UBE3D: variants seen among roughly 807,000 people sequenced by gnomAD.
UBE3D encodes E3 ubiquitin-protein ligase E3D.
A neutral mutation model predicts 49.6 loss-of-function variants in UBE3D; 48 were observed. That is an observed-to-expected ratio of 0.97 (90% CI 0.77 to 1.23). UBE3D has a LOEUF of 1.23. Ranked by LOEUF, UBE3D falls within the 50% of genes most tolerant of loss-of-function variation. The probability of loss-of-function intolerance (pLI) is 0.00; values close to 1 mark genes in which losing one functional copy is unlikely to be tolerated. For synonymous variants in UBE3D, 189 were observed against 174.2 expected, an observed-to-expected ratio of 1.08 and a Z score of -0.67; for missense variants, 452 against 468.4, an observed-to-expected ratio of 0.96 and a Z score of 0.32.
intron 1 of UBE3D, among the ~76,000 whole-genome samples, chr6:83,064,209 GTTTCTTTTTT>G (rs1784353788): frequency 6.6e-6 from 1 of 151,932 alleles, no homozygotes; most frequent in Non-Finnish European, 1.5e-5. Flanking sequence ...GCAAAGTTAG[GTTTCTTTTTT>G]TTTCTTTTTA....
At chr6:83,058,662 C>G (rs1783971376) in intron 1 of UBE3D, among the ~76,000 whole-genome samples, 1 of 152,242 alleles carries the variant, frequency 6.6e-6, no homozygotes, top group Non-Finnish European at 1.5e-5. Flanking sequence ...TAAGTGCAGA[C>G]AGCAGGTCAT....
rs111638821 is a variant in UBE3D at position 82,951,764 on chromosome 6, G to A, written c.1149+5548C>T. 4.7e-3 allele frequency among the ~76,000 whole-genome samples: 712 copies of A among 152,278 alleles called. 3 individuals carry two copies. Among genetic ancestry groups the A allele is most frequent in the Non-Finnish European group, 8.2e-3 (558 of 68,030 alleles). ...TGTGTACCAAGGAATGCCAAAGGCA[G>A]ATCTTGTTCCTACTGTGCCATTCTG... On this transcript the variant is annotated intron_variant, in intron 9 of 9. Coordinates refer to ENST00000369747, the MANE Select transcript of UBE3D (RefSeq NM_198920.3).
At chr6:83,025,029 T>C (rs1430017599) in intron 5 of UBE3D, among the ~76,000 whole-genome samples, 1 of 152,200 alleles carries the variant, frequency 6.6e-6, no homozygotes, top group African/African-American at 2.4e-5. Context: ...AGTAAGATTT[T>C]AGCAGGCTTG....
intron 9 of UBE3D, among the ~76,000 whole-genome samples, chr6:82,952,363 T>G (rs1157993405): frequency 6.6e-6 from 1 of 151,614 alleles, no homozygotes; most frequent in African/African-American, 2.4e-5. Context: ...GAACGGTACC[T>G]GGAAAACAGA....
intron 9 of UBE3D, among the ~76,000 whole-genome samples, chr6:82,907,840 T>C (rs1024165830): frequency 6.6e-6 from 1 of 152,148 alleles, no homozygotes; most frequent in African/African-American, 2.4e-5. Context: ...TTCCTAGATA[T>C]GTACCTGAGA....
At chr6:82,882,837 T>G in the UBE3D span, among the ~76,000 whole-genome samples, 10 of 152,172 alleles carry the variant, frequency 6.6e-5, no homozygotes, top group Non-Finnish European at 1.2e-4. Flanking sequence ...CACCCTAGTT[T>G]CCTTTCAGCA....
chr6:83,065,090 G>A (rs1784410353), intron 1 of UBE3D, among the ~76,000 whole-genome samples: 1 of 152,164 alleles, frequency 6.6e-6, no homozygotes, highest in Non-Finnish European at 1.5e-5. Flanking sequence ...ATAAATGAAC[G>A]AGCTCCAGTA....
intron 2 of UBE3D, among the ~76,000 whole-genome samples, chr6:83,054,933 G>A (rs1036439356): frequency 3.3e-5 from 5 of 152,310 alleles, no homozygotes; most frequent in African/African-American, 1.2e-4. Context: ...ACAGGCGTGA[G>A]CCACCGTGCC....
At chr6:83,025,290 T>C (rs1348537790) in intron 5 of UBE3D, among the ~76,000 whole-genome samples, 1 of 152,168 alleles carries the variant, frequency 6.6e-6, no homozygotes, top group Non-Finnish European at 1.5e-5. Context: ...CAATTCTCAC[T>C]AAATCTGGTT....
intron 9 of UBE3D, among the ~76,000 whole-genome samples, chr6:82,893,499 C>A (rs1256752892): frequency 1.3e-5 from 2 of 152,100 alleles, no homozygotes; most frequent in African/African-American, 4.8e-5. Context: ...CATCTTAAAA[C>A]CTAGAGTTAA....
intron 8 of UBE3D, among the ~76,000 whole-genome samples, chr6:82,968,550 T>C (rs1777116831): frequency 6.6e-6 from 1 of 152,184 alleles, no homozygotes; most frequent in Non-Finnish European, 1.5e-5. Context: ...GGTACTTTGA[T>C]TTGTTTGGAA....
chr6:83,063,767 CA>C (rs1343794013), intron 1 of UBE3D, among the ~76,000 whole-genome samples: 1 of 152,142 alleles, frequency 6.6e-6, no homozygotes, highest in African/African-American at 2.4e-5. Context: ...AGTTGAAACT[CA>C]TTTTTTTTCT....
At chr6:82,967,565 T>G (rs945136805) in intron 8 of UBE3D, among the ~76,000 whole-genome samples, 2 of 152,198 alleles carry the variant, frequency 1.3e-5, no homozygotes, top group Non-Finnish European at 2.9e-5. Flanking sequence ...TAGAATCATA[T>G]AATATGTAGT....
At chr6:82,980,908 T>C (rs754464840) in intron 8 of UBE3D, among the ~76,000 whole-genome samples, 1 of 152,142 alleles carries the variant, frequency 6.6e-6, no homozygotes, top group Non-Finnish European at 1.5e-5. Flanking sequence ...TTCTCTTCCA[T>C]TGGTCTATGT....
At chr6:82,936,749 G>A (rs1412047367) in intron 9 of UBE3D, among the ~76,000 whole-genome samples, 2 of 152,138 alleles carry the variant, frequency 1.3e-5, no homozygotes, top group Non-Finnish European at 2.9e-5. Context: ...CTTGGTTTGT[G>A]ACCATCACTT....
intron 8 of UBE3D, among the ~76,000 whole-genome samples, chr6:82,990,046 T>C (rs1778780187): frequency 6.6e-6 from 1 of 152,210 alleles, no homozygotes; most frequent in Admixed American, 6.5e-5. Context: ...GTGAAGCTAG[T>C]ATGTCCAAGG....
intron 9 of UBE3D, among the ~76,000 whole-genome samples, chr6:82,949,009 T>C (rs1256556929): frequency 6.6e-6 from 1 of 151,928 alleles, no homozygotes; most frequent in African/African-American, 2.4e-5. Flanking sequence ...GTACTGGAAG[T>C]CCTAGCTATA....
intron 9 of UBE3D, among the ~76,000 whole-genome samples, chr6:82,936,788 T>C (rs559835578): frequency 6.6e-6 from 1 of 152,308 alleles, no homozygotes; most frequent in Admixed American, 6.5e-5. Flanking sequence ...AGAAGCAATG[T>C]GCTAATCTCA....
At chr6:82,985,184 A>G (rs1778391869) in intron 8 of UBE3D, among the ~76,000 whole-genome samples, 1 of 151,442 alleles carries the variant, frequency 6.6e-6, no homozygotes, top group Admixed American at 6.6e-5. Flanking sequence ...TACTTTGTTT[A>G]TGATGCTTTT....
Sources: allele counts gnomAD v4.1 joint callset (sites outside exome capture counted in the v4.1 genomes callset), GRCh38; gene constraint gnomAD v4.1.1; transcripts MANE v1.5; gene names NCBI Gene and HGNC (gene_info 2026-07-23, HGNC 2026-07-21).